CUL7: variants seen among roughly 807,000 people sequenced by gnomAD.
The protein encoded by CUL7 is cullin 7.
CUL7 carries 96 observed loss-of-function variants against 177.7 expected under a neutral mutation model. That is an observed-to-expected ratio of 0.54 (90% confidence interval 0.46 to 0.64). The LOEUF (loss-of-function observed/expected upper bound fraction) is 0.64. CUL7 is among the 30% of genes least tolerant of loss of function. The pLI, the probability that CUL7 is intolerant of heterozygous loss-of-function variation, is 0.00. For missense variants in CUL7, 1,893 were observed against 2,187.9 expected (o/e 0.87, Z 2.69); for synonymous variants, 824 against 890.2 (o/e 0.93, Z 1.32).
chr6:43,040,603 T>C lies in CUL7; in HGVS notation c.3950A>G (p.Gln1317Arg), dbSNP rs1161069968. ...CTGCTGGAGCTGGTAGACGTGGAACTGGCGCTGCAGCTCCTTAGAGGTGCT... is the reference window on the plus strand; with the variant it reads ...CTGCTGGAGCTGGTAGACGTGGAACCGGCGCTGCAGCTCCTTAGAGGTGCT... ...SLSTSKELQR[Q>R]FHVYQLQQLD... The change falls in exon 21 of 26, where the codon CAG becomes CGG. Residue 1317 changes from glutamine to arginine, a missense_variant. This residue lies in a region of CUL7 where 973 missense variants were observed against 1,140.9 expected (regional missense o/e 0.85). Coordinates refer to ENST00000265348, the MANE Select transcript of CUL7 (RefSeq NM_014780.5). The surrounding 1 kb of genome is among the most constrained non-coding windows in gnomAD (Gnocchi z 4.2). 1.2e-6 allele frequency: 2 copies of C among 1,614,256 alleles called. No individual in the cohort carries two copies. Among genetic ancestry groups the C allele is most frequent in the South Asian group, 2.2e-5 (2 of 91,086 alleles).
At position 43,040,994 on chromosome 6, in the gene CUL7, C is replaced by G. The variant is rs1489711189; in HGVS notation, c.3727G>C (p.Ala1243Pro). 6.2e-7 allele frequency: 1 copy of G among 1,613,564 alleles called. No homozygotes were observed. The highest frequency in any genetic ancestry group is 1.1e-5 in the South Asian group (1 of 90,896). The part of the protein sequence containing the change: ...IGGAQEMERL[A>P]QLQQCLQAVL... ...GCTTGCAGGCATTGCTGCAGCTGTG[C>G]CAGCCTCTCCATTTCCTGGGCTCCA... The change falls in exon 20 of 26, where the codon GCA becomes CCA. Residue 1243 changes from alanine to proline, a missense_variant. Ala to Pro is a conservative substitution (Grantham distance 27). Transcript: ENST00000265348. This position sits in a 1 kb window ranked among gnomAD's most constrained non-coding sequence, Gnocchi z 4.2.
At position 43,050,149 on chromosome 6, in the gene CUL7, G is replaced by A. The variant is rs773924859; in HGVS notation, c.1383C>T (p.Ala461=). ...ASRVLGRALP[A]WRWRPMTELY... ...GTTCTGTCATGGGCCTCCAGCGCCA[G>A]GCAGGCAGGGCTGTGAAAATGGGCC... The change falls in exon 6 of 26, where the codon GCC becomes GCT. Residue 461 remains alanine (A), a synonymous_variant. Coordinates refer to ENST00000265348, the MANE Select transcript of CUL7 (RefSeq NM_014780.5). This position sits in a 1 kb window ranked among gnomAD's most constrained non-coding sequence, Gnocchi z 4.1. 5 of 1,614,104 alleles carry A rather than the reference G, an allele frequency of 3.1e-6. No homozygotes were observed. Among genetic ancestry groups the A allele is most frequent in the African/African-American group, 1.3e-5 (1 of 74,934 alleles).
chr6:43,047,038 T>C lies in CUL7; in HGVS notation c.2239A>G (p.Asn747Asp), dbSNP rs1220710952. Reference sequence around the variant, plus strand: ...ATAGCGTCTCTTGCTCCCAGCTGATTCAGCACCACGGCATAGTCCCTGCTC... The same window carrying C: ...ATAGCGTCTCTTGCTCCCAGCTGATCCAGCACCACGGCATAGTCCCTGCTC... Reference protein sequence around the residue: ...SVSRDYAVVLNQLGARDAISK... With the variant: ...SVSRDYAVVLDQLGARDAISK... Residue 747 changes from asparagine (N) to aspartate (D), a missense_variant, in exon 10 of 26, where the codon AAT becomes GAT. Around this residue, in one of 5 missense-constraint regions of CUL7, gnomAD observed 973 missense variants for 1,140.9 expected, o/e 0.85. Coordinates refer to ENST00000265348, the MANE Select transcript of CUL7 (RefSeq NM_014780.5). 2 of 1,613,672 alleles carry C rather than the reference T, an allele frequency of 1.2e-6. No individual in the cohort carries two copies. The highest frequency in any genetic ancestry group is 3.3e-5 in the Admixed American group (2 of 60,010).
At chr6:43,048,728 A>C (rs763106601) in intron 7 of CUL7, among the ~76,000 whole-genome samples, 159 bp from the exon 8 acceptor site, 7 of 151,932 alleles carry the variant, frequency 4.6e-5, no homozygotes, top group Admixed American at 1.3e-4. Context: ...TAATCTCTGA[A>C]TGTCATTGTA....
chr6:43,048,174 G>A lies in CUL7; in HGVS notation c.2143C>T (p.Leu715=). 2 of 1,612,966 alleles carry A rather than the reference G, an allele frequency of 1.2e-6. No homozygotes were observed. The highest frequency in any genetic ancestry group is 1.7e-6 in the Non-Finnish European group (2 of 1,178,964). Residue 715 remains leucine, a synonymous_variant, in exon 9 of 26, where the codon CTG becomes TTG. Coordinates refer to ENST00000265348, the MANE Select transcript of CUL7 (RefSeq NM_014780.5). ...TCTCGATCAGTGTTTGGGGACCGCAGGCAGGCCATGCAGGCATCCACGGCC... is the reference window on the plus strand; with the variant it reads ...TCTCGATCAGTGTTTGGGGACCGCAAGCAGGCCATGCAGGCATCCACGGCC... ...HEAVDACMAC[L]RSPNTDREVL... is the part of the protein sequence containing the mutation.
chr6:43,048,724 C>CTGAA lies in CUL7; in HGVS notation c.1826-159_1826-156dup, dbSNP rs1188693180. Among the ~76,000 whole-genome samples the CTGAA allele has an allele frequency of 1.2e-4, 18 of 152,012 alleles. No individual in the cohort carries two copies. The South Asian group carries it at 1.3e-3, about 11-fold the overall frequency. On this transcript the variant is annotated intron_variant, in intron 7 of 25. Transcript: ENST00000265348. ...AAAGTTAGGTTTGGGGATCTAATCT[C>CTGAA]TGAATGTCATTGTAAGACAGCTTCA...
Position 43,038,381 on chromosome 6 carries a change from C to T in CUL7, c.4659G>A (p.Glu1553=), listed in dbSNP as rs139243761. The T allele has an allele frequency of 2.4e-4, 395 of 1,614,224 alleles. 2 individuals are homozygous for T. In the African/African-American group the frequency reaches 3.6e-3, roughly 15 times the overall value. ...TCTCCAAGTTCTGGCCGTCTTCACC[C>T]TCAGCTTGCAGGTACGTCTGAGGTG... ...LIPPQTYLQA[E]GEDGQNLEKR... The change falls in exon 25 of 26, where the codon GAG becomes GAA. Residue 1553 remains glutamate (E), a synonymous_variant. Coordinates refer to ENST00000265348, the MANE Select transcript of CUL7 (RefSeq NM_014780.5).
rs1764400276 is a variant in CUL7 at position 43,051,420 on chromosome 6, T to A, written c.781A>T (p.Thr261Ser). ...TCGTTCAGCTGATCCAGGAGCGAGG[T>A]GACATGCAAATACCGCTTCACCAGG... ...FSLVKRYLHV[T>S]SLLDQLNDSA... Residue 261 changes from threonine (T) to serine (S), a missense_variant, in exon 4 of 26, where the codon ACC becomes TCC. Thr to Ser is a moderately conservative substitution (Grantham distance 58). This residue lies in a region of CUL7 where 653 missense variants were observed against 725.2 expected (regional missense o/e 0.90). Transcript: ENST00000265348. This position sits in a 1 kb window ranked among gnomAD's most constrained non-coding sequence, Gnocchi z 5.0. The A allele has an allele frequency of 4.3e-6, 7 of 1,613,898 alleles. No homozygotes were observed. The highest frequency in any genetic ancestry group is 5.9e-6 in the Non-Finnish European group (7 of 1,179,978).
At chr6:43,044,369 C>G (rs1763705339) in intron 16 of CUL7, among the ~76,000 whole-genome samples, 1 of 151,972 alleles carries the variant, frequency 6.6e-6, no homozygotes. Context: ...CATGGTGGTG[C>G]ATGCCTGTAA....
Position 43,038,834 on chromosome 6 carries a change from T to G in CUL7, c.4440+8A>C. ...AGACAGGAGAGAGGTGCAGCGGGGCTGGGCCACCTTCAGGTCGTTGAGATA... is the reference window on the plus strand; with the variant it reads ...AGACAGGAGAGAGGTGCAGCGGGGCGGGGCCACCTTCAGGTCGTTGAGATA... On this transcript the variant is annotated splice_region_variant and intron_variant, in intron 23 of 25. Coordinates refer to ENST00000265348, the MANE Select transcript of CUL7 (RefSeq NM_014780.5). 2 of 1,614,140 alleles carry G rather than the reference T, an allele frequency of 1.2e-6. No homozygotes were observed. The highest frequency in any genetic ancestry group is 1.7e-6 in the Non-Finnish European group (2 of 1,180,014).
At position 43,050,757 on chromosome 6, in the gene CUL7, G is replaced by T. The variant is rs1764327501; in HGVS notation, c.1233+211C>A. ...TGGCTATATCAGTTTCTTCCCAGGTGTGAGTCTTCTTGACTTCACAGCCTC... is the reference window on the plus strand; with the variant it reads ...TGGCTATATCAGTTTCTTCCCAGGTTTGAGTCTTCTTGACTTCACAGCCTC... On this transcript the variant is annotated intron_variant, in intron 4 of 25. Transcript: ENST00000265348. The surrounding 1 kb of genome is among the most constrained non-coding windows in gnomAD (Gnocchi z 4.1). Among the ~76,000 whole-genome samples, 2 of 152,054 alleles carry T rather than the reference G, an allele frequency of 1.3e-5. No homozygotes were observed. Among genetic ancestry groups the T allele is most frequent in the Admixed American group, 1.3e-4 (2 of 15,262 alleles).
chr6:43,049,794 T>G (rs1281953233), intron 6 of CUL7, 132 bp from the exon 7 acceptor site: 2 of 1,425,082 alleles, frequency 1.4e-6, no homozygotes, highest in Non-Finnish European at 2.0e-6. Context: ...GGCAGCTGGC[T>G]CCTCCCAAAC....
rs199584785 is a variant in CUL7 at position 43,043,623 on chromosome 6, A to G, written c.3180T>C (p.Asp1060=). The G allele has an allele frequency of 6.2e-7, 1 of 1,602,376 alleles. No homozygotes were observed. The highest frequency in any genetic ancestry group is 1.3e-5 in the African/African-American group (1 of 74,870). ...VVQNITSPDE[D]GISPLGWLLD... ...GCAGCCAACCCAGGGGGCTAATGCC[A>G]TCCTCATCTAGAGGGTGAGATAAAC... Residue 1060 remains aspartate, a synonymous_variant, in exon 17 of 26, where the codon GAT becomes GAC. Transcript: ENST00000265348. This position sits in a 1 kb window ranked among gnomAD's most constrained non-coding sequence, Gnocchi z 4.2.
chr6:43,049,102 A>G (rs1309959372), intron 7 of CUL7, among the ~76,000 whole-genome samples: 1 of 152,146 alleles, frequency 6.6e-6, no homozygotes, highest in Non-Finnish European at 1.5e-5. Flanking sequence ...AAGTAGCTTC[A>G]TCTGAAAACA....
rs758911302 is a variant in CUL7, at chr6:43,037,939, A to T, written c.4846T>A (p.Cys1616Ser). 1 of 1,603,288 alleles carries T rather than the reference A, an allele frequency of 6.2e-7. No individual in the cohort carries two copies. The highest frequency in any genetic ancestry group is 1.1e-5 in the South Asian group (1 of 90,198). ...CAGGAGAGGACGTCAGTGCTGCTGC[A>T]TGCAGACCCCTTACCAAGGCTGCTG... ...LVSSLGKGSA[C>S]SSTDVLSCIL... Residue 1616 changes from cysteine (C) to serine (S), a missense_variant, in exon 26 of 26, where the codon TGC becomes AGC. Around this residue, in one of 5 missense-constraint regions of CUL7, gnomAD observed 248 missense variants for 262.5 expected, o/e 0.94. Transcript: ENST00000265348.
chr6:43,044,270 C>T (rs1267904973), intron 16 of CUL7, among the ~76,000 whole-genome samples: 6 of 152,008 alleles, frequency 3.9e-5, no homozygotes, highest in Non-Finnish European at 7.4e-5. Flanking sequence ...TGCAGTGAGC[C>T]GAGACTGCGC....
rs150526488 is a variant in CUL7 at position 43,052,702 on chromosome 6, G to C, written c.87C>G (p.Arg29=). 68 of 1,613,696 alleles carry C rather than the reference G, an allele frequency of 4.2e-5. 1 individual carries two copies. The African/African-American group carries it at 5.6e-4, about 13-fold the overall frequency. The change falls in exon 2 of 26, where the codon CGC becomes CGG. Residue 29 remains arginine (R), a synonymous_variant. Coordinates refer to ENST00000265348, the MANE Select transcript of CUL7 (RefSeq NM_014780.5). The surrounding 1 kb of genome is among the most constrained non-coding windows in gnomAD (Gnocchi z 4.5). The part of the protein sequence containing the change: ...HAYPDELIRQ[R]VGHDGHPEYQ... Reference sequence around the variant, plus strand: ...ACTCAGGATGCCCATCATGGCCCACGCGCTGGCGGATCAGCTCATCAGGAT... The same window carrying C: ...ACTCAGGATGCCCATCATGGCCCACCCGCTGGCGGATCAGCTCATCAGGAT...
In CUL7 at chr6:43,043,713, T is replaced by C. The variant is rs906694424; in HGVS notation, c.3173-83A>G. On this transcript the variant is annotated intron_variant, in intron 16 of 25. Coordinates refer to ENST00000265348, the MANE Select transcript of CUL7 (RefSeq NM_014780.5). The surrounding 1 kb of genome is among the most constrained non-coding windows in gnomAD (Gnocchi z 4.2). Reference sequence around the variant, plus strand: ...GTTGGGCTGAACAGGAGTGTGGAGATAGAGCAACTGGACGGAATGATACAA... The same window carrying C: ...GTTGGGCTGAACAGGAGTGTGGAGACAGAGCAACTGGACGGAATGATACAA... The C allele has an allele frequency of 1.2e-5, 11 of 899,542 alleles. No homozygotes were observed. Among genetic ancestry groups the C allele is most frequent in the African/African-American group, 3.3e-5 (2 of 60,610 alleles). 55.7% of individuals were successfully genotyped at this position (899,542 alleles called of 1,614,324 possible). A position where few individuals can be genotyped will look rare whatever the true frequency, so the allele number is the denominator to read the frequency against.
At chr6:43,041,114 G>T (rs755363835) in intron 19 of CUL7, 39 bp from the exon 20 acceptor site, 2 of 1,607,936 alleles carry the variant, frequency 1.2e-6, no homozygotes, top group South Asian at 2.2e-5. Context: ...ATGAATGAGC[G>T]AGCAGAGCAG....
Sources: allele counts gnomAD v4.1 joint callset (sites outside exome capture counted in the v4.1 genomes callset), GRCh38; gene constraint gnomAD v4.1.1; regional missense constraint gnomAD v4.1.1; non-coding constraint Gnocchi (gnomAD v3.1); transcripts MANE v1.5; gene names NCBI Gene and HGNC (gene_info 2026-07-23, HGNC 2026-07-21).